NAT1: variants seen among roughly 807,000 people sequenced by gnomAD.
NAT1 encodes arylamine N-acetyltransferase 1.
For synonymous variants in NAT1, 144 were observed against 122.6 expected (o/e 1.17, Z -1.16); for missense variants, 400 against 339.2 (o/e 1.18, Z -1.41).
intron 2 of NAT1, among the ~76,000 whole-genome samples, chr8:18,203,282 C>A (rs77037657): frequency 6.6e-6 from 1 of 152,208 alleles, no homozygotes; most frequent in Non-Finnish European, 1.5e-5. Flanking sequence ...GAAATGACCT[C>A]AGATGCCTTT....
At chr8:18,185,454 G>A (rs1307297751) in intron 2 of NAT1, among the ~76,000 whole-genome samples, 1 of 152,012 alleles carries the variant, frequency 6.6e-6, no homozygotes, top group African/African-American at 2.4e-5. Context: ...TCATAATGTG[G>A]TGTAATTTTG....
At chr8:18,202,619 C>G (rs567473129) in intron 2 of NAT1, among the ~76,000 whole-genome samples, 27 of 152,200 alleles carry the variant, frequency 1.8e-4, no homozygotes, top group African/African-American at 6.0e-4. Flanking sequence ...AGCTGTAGAC[C>G]TTCGCAGTGA....
intron 2 of NAT1, among the ~76,000 whole-genome samples, chr8:18,189,452 G>C (rs1802891197): frequency 6.6e-6 from 1 of 152,080 alleles, no homozygotes. Context: ...AGTGTAGTTT[G>C]AAAAAGCACG....
At chr8:18,210,941 A>C (rs1804039506) in intron 1 of NAT1, among the ~76,000 whole-genome samples, 1 of 151,934 alleles carries the variant, frequency 6.6e-6, no homozygotes, top group Non-Finnish European at 1.5e-5. Flanking sequence ...TGCCTGGCTA[A>C]TTTTTCTATT....
intron 2 of NAT1, among the ~76,000 whole-genome samples, chr8:18,190,226 A>G (rs577002870): frequency 4.0e-4 from 61 of 152,346 alleles, no homozygotes; most frequent in African/African-American, 1.4e-3. Context: ...GCCCACATTT[A>G]CTATCCAGGC....
intron 2 of NAT1, among the ~76,000 whole-genome samples, chr8:18,175,078 ATATT>A (rs1318663623): frequency 2.0e-5 from 3 of 152,022 alleles, no homozygotes; most frequent in South Asian, 4.1e-4. Flanking sequence ...GTTTTCTAAA[ATATT>A]TATTTATAAT....
Position 18,222,444 on chromosome 8 carries a change from C to T in NAT1, c.397C>T (p.Gln133Ter), listed in dbSNP as rs1346740720. The T allele has an allele frequency of 6.2e-7, 1 of 1,614,084 alleles. No homozygotes were observed. Among genetic ancestry groups the T allele is most frequent in the East Asian group, 2.2e-5 (1 of 44,872 alleles). The change falls in exon 3 of 3, where the codon CAG becomes TAG. Residue 133 changes from glutamine to a stop codon, truncating the protein, a stop_gained. Coordinates refer to ENST00000307719, the MANE Select transcript of NAT1 (RefSeq NM_000662.8). LOFTEE classifies it low-confidence loss of function (END_TRUNC). ...AGFGRSYQMW[Q>*]PLELISGKDQ... is the part of the protein sequence containing the mutation. ...GTTTGGACGCTCATACCAGATGTGGCAGCCTCTGGAGTTAATTTCTGGGAA... is the reference window on the plus strand; with the variant it reads ...GTTTGGACGCTCATACCAGATGTGGTAGCCTCTGGAGTTAATTTCTGGGAA...
chr8:18,181,844 G>A (rs946345631), intron 2 of NAT1, among the ~76,000 whole-genome samples: 2 of 152,162 alleles, frequency 1.3e-5, no homozygotes, highest in African/African-American at 2.4e-5. Context: ...AAGCAGGCCA[G>A]GACTTGTTTT....
At chr8:18,200,304 A>G (rs534491306) in intron 2 of NAT1, among the ~76,000 whole-genome samples, 186 of 127,392 alleles carry the variant, frequency 1.5e-3, no homozygotes, top group Middle Eastern at 0.012. Flanking sequence ...GTGCCCATCA[A>G]TGATAGACTG....
intron 2 of NAT1, among the ~76,000 whole-genome samples, chr8:18,220,977 T>A (rs1277123762): frequency 1.3e-5 from 2 of 152,166 alleles, no homozygotes; most frequent in Admixed American, 6.5e-5. Context: ...TCCAGAAACA[T>A]CACTTTGATT....
chr8:18,219,347 C>G, intron 1 of NAT1, 64 bp from the exon 2 acceptor site: 1 of 1,109,206 alleles, frequency 9.0e-7, no homozygotes, highest in East Asian at 2.6e-5. Flanking sequence ...GTCTACAAAA[C>G]TATTATTTTG....
At position 18,190,841 on chromosome 8, in the gene NAT1, T is replaced by C. The variant is rs1802952804; in HGVS notation, n.93-18940T>C. On this transcript the variant is annotated intron_variant and non_coding_transcript_variant, in intron 2 of 4. Coordinates refer to the NAT1 transcript ENST00000517441. ...CAGCGCTTTGGGAGGCCGAGGTGGG[T>C]GGATAACCTGAGATCAGGAGTTCCA... Among the ~76,000 whole-genome samples the C allele has an allele frequency of 2.0e-5, 3 of 151,908 alleles. No homozygotes were observed. In the South Asian group the frequency reaches 6.2e-4, roughly 32 times the overall value.
chr8:18,194,144 G>A (rs1803135969), intron 2 of NAT1, among the ~76,000 whole-genome samples: 1 of 152,120 alleles, frequency 6.6e-6, no homozygotes, highest in Non-Finnish European at 1.5e-5. Flanking sequence ...CCTGCTTTGT[G>A]TTCACTGGAG....
chr8:18,215,411 A>T (rs377080301), intron 1 of NAT1, among the ~76,000 whole-genome samples: 8 of 152,252 alleles, frequency 5.3e-5, no homozygotes, highest in African/African-American at 1.9e-4. Flanking sequence ...TTTCTGCCAC[A>T]TAAGCAATGT....
upstream of NAT1, among the ~76,000 whole-genome samples, chr8:18,207,578 G>C (rs1803779263): frequency 1.3e-5 from 2 of 152,130 alleles, no homozygotes; most frequent in Admixed American, 1.3e-4. Flanking sequence ...ACCATCTCTT[G>C]CCAGTCAGAA....
chr8:18,189,153 A>G (rs1802874394), intron 2 of NAT1, among the ~76,000 whole-genome samples: 1 of 152,132 alleles, frequency 6.6e-6, no homozygotes, highest in African/African-American at 2.4e-5. Context: ...TTGTCAGATA[A>G]TTTGCTACAG....
intron 2 of NAT1, among the ~76,000 whole-genome samples, chr8:18,185,429 T>C (rs1476387211): frequency 6.6e-6 from 1 of 152,162 alleles, no homozygotes; most frequent in Admixed American, 6.5e-5. Flanking sequence ...TTCAAACTTA[T>C]TGCCATAATA....
chr8:18,212,493 C>G (rs878867270), intron 1 of NAT1: 2 of 152,190 alleles, frequency 1.3e-5, no homozygotes, highest in African/African-American at 2.4e-5. Flanking sequence ...CTGGGAGAGC[C>G]CCAGCTGCAG....
Position 18,222,889 on chromosome 8 carries a change from C to A in NAT1, c.842C>A (p.Pro281His). The change falls in exon 3 of 3, where the codon CCC becomes CAC. Residue 281 changes from proline to histidine, a missense_variant. Pro to His is a moderately conservative substitution (Grantham distance 77). Transcript: ENST00000307719. ...FNISLQRKLV[P>H]KHGDRFFTI ...ATTTCCTTGCAGAGAAAGCTTGTGC[C>A]CAAACATGGTGATAGATTTTTTACT... The A allele has an allele frequency of 6.4e-7, 1 of 1,569,626 alleles. No individual in the cohort carries two copies. Among genetic ancestry groups the A allele is most frequent in the South Asian group, 1.2e-5 (1 of 81,072 alleles).
Sources: gnomAD v4.1 joint callset for allele counts (sites outside exome capture counted in the v4.1 genomes callset) on GRCh38, gnomAD v4.1.1 for gene constraint, MANE v1.5 for transcripts, NCBI Gene and HGNC (gene_info 2026-07-23, HGNC 2026-07-21) for gene names.